The following GPHN variants were observed in gnomAD, a reference collection of about 807,000 sequenced individuals.
GPHN encodes the protein gephyrin.
A neutral mutation model predicts 95.5 loss-of-function variants in GPHN; 17 were observed. The ratio of observed to expected loss-of-function variants is 0.18; its 90% CI spans 0.12 to 0.27. The LOEUF (loss-of-function observed/expected upper bound fraction) is 0.27, where lower values mean the gene tolerates loss of function less well. Ranked by LOEUF, GPHN falls within the 10% of genes least tolerant of loss-of-function variation. The pLI is 1.00. For missense variants in GPHN, 660 were observed against 978.1 expected, an observed-to-expected ratio of 0.67 and a Z score of 4.34; for synonymous variants, 320 against 322.5, an observed-to-expected ratio of 0.99 and a Z score of 0.08.
intron 11 of GPHN, among the ~76,000 whole-genome samples, chr14:67,062,347 A>T (rs899679663): frequency 6.6e-6 from 1 of 152,258 alleles, no homozygotes; most frequent in Non-Finnish European, 1.5e-5. Flanking sequence ...TTCACATTCT[A>T]TGAAATTACA....
At chr14:66,544,578 C>CTTTTTTTT in intron 1 of GPHN, among the ~76,000 whole-genome samples, 1 of 141,604 alleles carries the variant, frequency 7.1e-6, no homozygotes, top group Non-Finnish European at 1.6e-5. Flanking sequence ...TTCTTTTTTT[C>CTTTTTTTT]TTTTTTTTTT....
chr14:66,877,491 G>T (rs1256669298), intron 4 of GPHN, among the ~76,000 whole-genome samples: 1 of 152,154 alleles, frequency 6.6e-6, no homozygotes, highest in Non-Finnish European at 1.5e-5. Flanking sequence ...AAACCCCATT[G>T]TCTCAGCCCA....
the GPHN span, among the ~76,000 whole-genome samples, chr14:67,267,825 T>C: frequency 1.3e-5 from 2 of 152,206 alleles, no homozygotes; most frequent in Non-Finnish European, 2.9e-5. Context: ...TTTCTAGAAA[T>C]TTTGCACAAA....
At chr14:67,319,122 T>C in the GPHN span, among the ~76,000 whole-genome samples, 1 of 151,982 alleles carries the variant, frequency 6.6e-6, no homozygotes, top group Non-Finnish European at 1.5e-5. Flanking sequence ...TAATACATGA[T>C]TGGTTGAGCT....
At chr14:67,585,880 A>T in the GPHN span, 1 of 1,487,660 alleles carries the variant, frequency 6.7e-7, no homozygotes, top group Non-Finnish European at 9.2e-7. Context: ...TAGAAGAGAC[A>T]GGGGATGCTG....
At chr14:67,457,534 G>A in the GPHN span, among the ~76,000 whole-genome samples, 1 of 152,230 alleles carries the variant, frequency 6.6e-6, no homozygotes, top group Non-Finnish European at 1.5e-5. Context: ...GAGCCCAGGA[G>A]TTTGGAGGCT....
chr14:67,527,663 A>T, the GPHN span, among the ~76,000 whole-genome samples: 8 of 152,300 alleles, frequency 5.3e-5, no homozygotes, highest in East Asian at 1.5e-3. Context: ...TGTGTTTTGT[A>T]CCGCAGCAGC....
At chr14:67,682,015 TG>T in the GPHN span, among the ~76,000 whole-genome samples, 30 of 152,308 alleles carry the variant, frequency 2.0e-4, no homozygotes, top group African/African-American at 5.5e-4. Context: ...CCTCTCACCA[TG>T]TGATGCCCTC....
chr14:67,044,082 A>AT (rs1044506917), intron 10 of GPHN, among the ~76,000 whole-genome samples: 3 of 152,194 alleles, frequency 2.0e-5, no homozygotes, highest in African/African-American at 7.2e-5. Context: ...CCCCCATATC[A>AT]TCCTAGCACT....
chr14:67,051,536 T>C (rs1325814302), intron 10 of GPHN, among the ~76,000 whole-genome samples: 1 of 152,064 alleles, frequency 6.6e-6, no homozygotes, highest in Admixed American at 6.5e-5. Context: ...AAAACGTACA[T>C]CAGGATATCA....
chr14:67,389,680 T>A, the GPHN span, among the ~76,000 whole-genome samples: 14 of 152,100 alleles, frequency 9.2e-5, no homozygotes, highest in Non-Finnish European at 1.9e-4. Flanking sequence ...TTTCCTATTT[T>A]AAAAGCTGAG....
At chr14:67,080,400 A>G (rs2076644781) in intron 11 of GPHN, among the ~76,000 whole-genome samples, 1 of 151,690 alleles carries the variant, frequency 6.6e-6, no homozygotes, top group Non-Finnish European at 1.5e-5. Flanking sequence ...GATGCACAAA[A>G]TATTTCTGTT....
At chr14:66,545,730 G>T (rs376871321) in intron 1 of GPHN, among the ~76,000 whole-genome samples, 4 of 125,512 alleles carry the variant, frequency 3.2e-5, no homozygotes, top group East Asian at 3.0e-4. Flanking sequence ...CTGGCCGGGC[G>T]GGGGGCTGAC....
the GPHN span, chr14:67,585,741 C>A: frequency 2.6e-6 from 3 of 1,140,678 alleles, no homozygotes; most frequent in South Asian, 1.4e-5. Context: ...AAGCCTGAAC[C>A]AAGTGACCAT....
At chr14:66,797,821 C>A (rs150605396) in intron 3 of GPHN, among the ~76,000 whole-genome samples, 37 of 151,924 alleles carry the variant, frequency 2.4e-4, no homozygotes, top group African/African-American at 8.9e-4. Flanking sequence ...TTATATATTT[C>A]TCTTGTCTGA....
the GPHN span, among the ~76,000 whole-genome samples, chr14:67,291,420 G>T: frequency 6.6e-6 from 1 of 151,950 alleles, no homozygotes; most frequent in African/African-American, 2.4e-5. Flanking sequence ...AAGTAGCTAG[G>T]ATTACAGGTG....
chr14:67,715,656 T>C, the GPHN span, among the ~76,000 whole-genome samples: 1 of 152,202 alleles, frequency 6.6e-6, no homozygotes, highest in African/African-American at 2.4e-5. Context: ...TCGTTCTTTT[T>C]GTAAGTATCT....
the GPHN span, among the ~76,000 whole-genome samples, chr14:67,308,730 G>C: frequency 6.6e-6 from 1 of 151,720 alleles, no homozygotes; most frequent in African/African-American, 2.4e-5. Context: ...TGTGCCACCA[G>C]CTAATTTTGT....
At chr14:67,278,859 C>T in the GPHN span, among the ~76,000 whole-genome samples, 1 of 152,046 alleles carries the variant, frequency 6.6e-6, no homozygotes, top group Admixed American at 6.6e-5. Flanking sequence ...TTGATTTCCT[C>T]ACCATTATCT....
Sources: gnomAD v4.1 joint callset for allele counts (sites outside exome capture counted in the v4.1 genomes callset) on GRCh38, gnomAD v4.1.1 for gene constraint, MANE v1.5 for transcripts, NCBI Gene and HGNC (gene_info 2026-07-23, HGNC 2026-07-21) for gene names.